The following COL9A2 variants were observed in gnomAD, a reference collection of about 807,000 sequenced individuals.
COL9A2 encodes collagen alpha-2(IX) chain.
COL9A2 carries 66 observed loss-of-function variants against 111.6 expected under a neutral mutation model. That is an observed-to-expected ratio of 0.59 (90% CI 0.48 to 0.73). The LOEUF (loss-of-function observed/expected upper bound fraction) is 0.73. COL9A2 is among the 30% of genes least tolerant of loss of function. The pLI, the probability that COL9A2 is intolerant of heterozygous loss-of-function variation, is 0.00. For synonymous variants in COL9A2, 353 were observed against 364.1 expected, an observed-to-expected ratio of 0.97 and a Z score of 0.35; for missense variants, 881 against 954.1, an observed-to-expected ratio of 0.92 and a Z score of 1.01.
Position 40,305,633 on chromosome 1 carries a change from C to G in COL9A2, c.1107+82G>C, listed in dbSNP as rs748225569. The G allele has an allele frequency of 3.1e-6, 4 of 1,298,472 alleles. No homozygotes were observed. The African/African-American group carries it at 5.8e-5, about 19-fold the overall frequency. The allele number at this position is 1,298,472 out of a possible 1,614,324, so 80.4% of individuals were successfully genotyped here. The stretch of plus-strand genomic sequence containing the variant: ...GGGTCAGGGCAGAGCCAGACTAACT[C>G]GGAGCTCTCCCTAGGTTAGGGCTCC... On this transcript the variant is annotated intron_variant, in intron 21 of 31. Transcript: ENST00000372748.
chr1:40,305,640 C>T (rs1202172853), intron 21 of COL9A2, 75 bp downstream of exon 21: 2 of 1,382,250 alleles, frequency 1.4e-6, no homozygotes, highest in Admixed American at 1.7e-5. Flanking sequence ...ACTCGGAGCT[C>T]TCCCTAGGTT....
chr1:40,301,520 T>C (rs1456539219), intron 31 of COL9A2, 139 bp from the exon 32 acceptor site: 1 of 737,150 alleles, frequency 1.4e-6, no homozygotes, highest in African/African-American at 1.8e-5. Context: ...GAGGCAGAGA[T>C]TCTGTGATTG....
chr1:40,304,710 G>C (rs1304749994), intron 22 of COL9A2, 84 bp downstream of exon 22: 13 of 1,432,828 alleles, frequency 9.1e-6, no homozygotes, highest in South Asian at 7.4e-5. Context: ...GGCATCTCAC[G>C]GGCTGCACGG....
intron 2 of COL9A2, chr1:40,315,171 A>C: frequency 1.0e-6 from 1 of 973,928 alleles, no homozygotes; most frequent in Non-Finnish European, 1.2e-6. Context: ...GGGAGAGAAA[A>C]CCGAAGGGAA....
Position 40,307,832 on chromosome 1 carries a change from T to TA in COL9A2, c.901-77_901-76insT. 1.3e-6 allele frequency: 2 copies of TA among 1,485,718 alleles called. No individual in the cohort carries two copies. The highest frequency in any genetic ancestry group is 1.9e-6 in the Non-Finnish European group (2 of 1,068,766). 92.0% of individuals were successfully genotyped at this position (1,485,718 alleles called of 1,614,324 possible). On this transcript the variant is annotated intron_variant, in intron 17 of 31. Transcript: ENST00000372748. The surrounding 1 kb of genome is among the most constrained non-coding windows in gnomAD (Gnocchi z 4.8). ...GTCTGGCCACCCACCCCTGTTCCTC[T>TA]GAGACAGCTGCAGTGTGCAGGGAGG...
chr1:40,316,700 C>A lies in COL9A2; in HGVS notation c.75+423G>T. Reference sequence around the variant, plus strand: ...CCCTCGGAAGGGAGACGTGGGTAGGCGGGCAGGGCCGAGAGGCCGCCTCGG... The same window carrying A: ...CCCTCGGAAGGGAGACGTGGGTAGGAGGGCAGGGCCGAGAGGCCGCCTCGG... On this transcript the variant is annotated intron_variant, in intron 1 of 31. Coordinates refer to ENST00000372748, the MANE Select transcript of COL9A2 (RefSeq NM_001852.4). The surrounding 1 kb of genome is among the most constrained non-coding windows in gnomAD (Gnocchi z 5.5). 1 of 409,904 alleles carries A rather than the reference C, an allele frequency of 2.4e-6. No individual in the cohort carries two copies. The allele number at this position is 409,904 out of a possible 1,614,324, so 25.4% of individuals were successfully genotyped here. A position where few individuals can be genotyped will look rare whatever the true frequency, so the allele number is the denominator to read the frequency against.
chr1:40,308,625 G>GA (rs937156557), intron 16 of COL9A2, among the ~76,000 whole-genome samples: 43 of 152,306 alleles, frequency 2.8e-4, no homozygotes, highest in African/African-American at 8.9e-4. Flanking sequence ...AGATAATTGG[G>GA]AAAAACTGAA....
rs1206795793 is a variant in COL9A2, at chr1:40,311,458, C to CG, written c.519+41_519+42insC. On this transcript the variant is annotated intron_variant, in intron 10 of 31. Transcript: ENST00000372748. This position sits in a 1 kb window ranked among gnomAD's most constrained non-coding sequence, Gnocchi z 5.1. ...GCCCCGCCTCCCCATCTCTGTGGCCCCGCCCCCCTGTGTTAGCCCCGCCCC... is the reference window on the plus strand; with the variant it reads ...GCCCCGCCTCCCCATCTCTGTGGCCCGCGCCCCCCTGTGTTAGCCCCGCCCC... 6.3e-7 allele frequency: 1 copy of CG among 1,585,372 alleles called. No individual in the cohort carries two copies. Among genetic ancestry groups the CG allele is most frequent in the African/African-American group, 1.3e-5 (1 of 74,394 alleles).
At position 40,303,575 on chromosome 1, in the gene COL9A2, G is replaced by C. The variant is rs182012627; in HGVS notation, c.1503C>G (p.Ala501=). The C allele has an allele frequency of 3.2e-5, 51 of 1,610,420 alleles. No homozygotes were observed. In the Admixed American group the frequency reaches 4.4e-4, roughly 14 times the overall value. The change falls in exon 28 of 32, where the codon GCC becomes GCG. Residue 501 remains alanine, a synonymous_variant. Transcript: ENST00000372748. This position sits in a 1 kb window ranked among gnomAD's most constrained non-coding sequence, Gnocchi z 4.6. ...YPGPPGPRGL[A]GNRGVPGQPG... ...GCTGTCCTGGCACGCCTCGGTTCCC[G>C]GCCAGTCCTCGAGGGCCGGGGGGAC... is the stretch of plus-strand genomic sequence containing the variant.
rs1468583340 is a variant in COL9A2, at chr1:40,311,455, G to T, written c.519+45C>A. 3 of 1,571,052 alleles carry T rather than the reference G, an allele frequency of 1.9e-6. No individual in the cohort carries two copies. The highest frequency in any genetic ancestry group is 1.1e-5 in the South Asian group (1 of 90,044). On this transcript the variant is annotated intron_variant, in intron 10 of 31. Coordinates refer to ENST00000372748, the MANE Select transcript of COL9A2 (RefSeq NM_001852.4). The surrounding 1 kb of genome is among the most constrained non-coding windows in gnomAD (Gnocchi z 5.1). ...GTGGCCCCGCCTCCCCATCTCTGTGGCCCCGCCCCCCTGTGTTAGCCCCGC... is the reference window on the plus strand; with the variant it reads ...GTGGCCCCGCCTCCCCATCTCTGTGTCCCCGCCCCCCTGTGTTAGCCCCGC...
chr1:40,312,066 C>A lies in COL9A2; in HGVS notation c.410G>T (p.Gly137Val). The A allele has an allele frequency of 1.2e-6, 2 of 1,600,434 alleles. No homozygotes were observed. The highest frequency in any genetic ancestry group is 1.7e-6 in the Non-Finnish European group (2 of 1,175,232). ...VGLPGEIGIR[G>V]PKGDPGPDGP... ...AGGGTGGCTGAGGCTCACCTTGGGG[C>A]CTCGGATTCCAATCTCACCAGGGAG... Residue 137 changes from glycine to valine, a missense_variant, in exon 8 of 32, where the codon GGC becomes GTC. Gly to Val is a moderately radical substitution (Grantham distance 109). Transcript: ENST00000372748. The surrounding 1 kb of genome is among the most constrained non-coding windows in gnomAD (Gnocchi z 6.0).
chr1:40,308,544 A>C (rs998391142), intron 16 of COL9A2, among the ~76,000 whole-genome samples: 4 of 152,272 alleles, frequency 2.6e-5, no homozygotes, highest in African/African-American at 9.6e-5. Context: ...AAAGGAACAC[A>C]ACAACCGAAT....
intron 16 of COL9A2, among the ~76,000 whole-genome samples, chr1:40,308,683 C>A (rs949187294): frequency 5.9e-5 from 9 of 152,280 alleles, no homozygotes; most frequent in African/African-American, 2.2e-4. Context: ...TTTATTTTGT[C>A]AGTTGTGATA....
In COL9A2 at chr1:40,304,778, T is replaced by C. The variant is rs1643997519; in HGVS notation, c.1161+16A>G. 2 of 1,549,296 alleles carry C rather than the reference T, an allele frequency of 1.3e-6. No homozygotes were observed. The highest frequency in any genetic ancestry group is 2.0e-5 in the Admixed American group (1 of 50,934). On this transcript the variant is annotated intron_variant, in intron 22 of 31. Transcript: ENST00000372748. ...GCAGAGGCCCCCGGGGAGGGGCCAT[T>C]GTGCCAGGCACTTACCTTCTGTCCC...
rs955017862 is a variant in COL9A2, at chr1:40,309,872, G to T, written c.846+66C>A. 4.0e-6 allele frequency: 6 copies of T among 1,517,390 alleles called. No homozygotes were observed. The South Asian group carries it at 5.6e-5, about 14-fold the overall frequency. The allele number at this position is 1,517,390 out of a possible 1,614,324, so 94.0% of individuals were successfully genotyped here. On this transcript the variant is annotated intron_variant, in intron 16 of 31. Transcript: ENST00000372748. Reference sequence around the variant, plus strand: ...GCACTCTCACACACACAGCCTTAGGGGGTGCCTTGTCCTGCCCAGTACTCC... The same window carrying T: ...GCACTCTCACACACACAGCCTTAGGTGGTGCCTTGTCCTGCCCAGTACTCC...
In COL9A2 at chr1:40,314,526, T is replaced by C. The variant is rs368668352; in HGVS notation, c.151-139A>G. The C allele has an allele frequency of 3.6e-5, 38 of 1,061,728 alleles. 1 individual carries two copies. In the Middle Eastern group the frequency reaches 6.1e-4, roughly 17 times the overall value. The allele number at this position is 1,061,728 out of a possible 1,614,324, so 65.8% of individuals were successfully genotyped here. A position where few individuals can be genotyped will look rare whatever the true frequency, so the allele number is the denominator to read the frequency against. On this transcript the variant is annotated intron_variant, in intron 2 of 31. Coordinates refer to ENST00000372748, the MANE Select transcript of COL9A2 (RefSeq NM_001852.4). The surrounding 1 kb of genome is among the most constrained non-coding windows in gnomAD (Gnocchi z 4.1). ...TCCAGGTCCCCTAAGCCTTGCAATC[T>C]TTGGGAAAAGAGCCCCCTTTTCCTC...
chr1:40,306,140 C>T lies in COL9A2; in HGVS notation c.1053+3G>A. 3 of 1,614,196 alleles carry T rather than the reference C, an allele frequency of 1.9e-6. No individual in the cohort carries two copies. Among genetic ancestry groups the T allele is most frequent in the Non-Finnish European group, 2.5e-6 (3 of 1,180,024 alleles). ...TTCTGTCCCCAGCTTGGGATCGCCTCACCTGGTCTCCAGGGCCTCCTTTTG... is the reference window on the plus strand; with the variant it reads ...TTCTGTCCCCAGCTTGGGATCGCCTTACCTGGTCTCCAGGGCCTCCTTTTG... On this transcript the variant is annotated splice_donor_region_variant and intron_variant, in intron 20 of 31. Coordinates refer to ENST00000372748, the MANE Select transcript of COL9A2 (RefSeq NM_001852.4).
At position 40,310,949 on chromosome 1, in the gene COL9A2, C is replaced by G. The variant is rs989393063; in HGVS notation, c.630+144G>C. 8.4e-7 allele frequency: 1 copy of G among 1,192,042 alleles called. No homozygotes were observed. Among genetic ancestry groups the G allele is most frequent in the African/African-American group, 1.5e-5 (1 of 66,228 alleles). 73.8% of individuals were successfully genotyped at this position (1,192,042 alleles called of 1,614,324 possible). A position where few individuals can be genotyped will look rare whatever the true frequency, so the allele number is the denominator to read the frequency against. On this transcript the variant is annotated intron_variant, in intron 12 of 31. Transcript: ENST00000372748. This position sits in a 1 kb window ranked among gnomAD's most constrained non-coding sequence, Gnocchi z 4.9. ...GGAGACATGACCAGAGACATGCCGA[C>G]CTGGAGCACAGGCCTCCAGCCCCCG...
Position 40,314,413 on chromosome 1 carries a change from G to A in COL9A2, c.151-26C>T. 6 of 1,614,124 alleles carry A rather than the reference G, an allele frequency of 3.7e-6. No individual in the cohort carries two copies. Among genetic ancestry groups the A allele is most frequent in the Non-Finnish European group, 5.1e-6 (6 of 1,179,994 alleles). On this transcript the variant is annotated intron_variant, in intron 2 of 31. Coordinates refer to ENST00000372748, the MANE Select transcript of COL9A2 (RefSeq NM_001852.4). This position sits in a 1 kb window ranked among gnomAD's most constrained non-coding sequence, Gnocchi z 4.1. ...CTGCAAGATACAAGTTGGTGAGACA[G>A]CACACTACGGCTCACACTACCCCAA... is the stretch of plus-strand genomic sequence containing the variant.
Sources: allele counts gnomAD v4.1 joint callset (sites outside exome capture counted in the v4.1 genomes callset), GRCh38; gene constraint gnomAD v4.1.1; non-coding constraint Gnocchi (gnomAD v3.1); transcripts MANE v1.5; gene names NCBI Gene and HGNC (gene_info 2026-07-23, HGNC 2026-07-21).